Variants in FOXP1 observed in about 807,000 individuals in gnomAD.
The protein encoded by FOXP1 is forkhead box P1, also known as forkhead box protein P1.
FOXP1 carries 15 observed loss-of-function variants against 98.2 expected under a neutral mutation model. That is an observed-to-expected ratio of 0.15 (90% CI 0.10 to 0.24). The LOEUF is 0.24. FOXP1 is among the 10% of genes least tolerant of loss of function. The pLI is 1.00. For missense variants in FOXP1, 633 were observed against 848.5 expected, an observed-to-expected ratio of 0.75 and a Z score of 3.15; for synonymous variants, 371 against 314.5, an observed-to-expected ratio of 1.18 and a Z score of -1.90.
chr3:70,956,489 G>GT lies in FOXP1; in HGVS notation c.*2757dup, dbSNP rs886058836. Reference sequence around the variant, plus strand: ...ACGACTAAGTGCAACTGAGTGAAATGTTTTTTTTTTAAATTTTAATCATTC... The same window carrying GT: ...ACGACTAAGTGCAACTGAGTGAAATGTTTTTTTTTTTAAATTTTAATCATTC... On this transcript the variant is annotated 3_prime_UTR_variant, in exon 21 of 21. Transcript: ENST00000649528. 612 of 207,190 alleles carry GT rather than the reference G, an allele frequency of 3.0e-3. No homozygotes were observed. The highest frequency in any genetic ancestry group is 4.7e-3 in the Middle Eastern group (3 of 638). 12.8% of individuals were successfully genotyped at this position (207,190 alleles called of 1,614,324 possible).
intron 2 of FOXP1, among the ~76,000 whole-genome samples, chr3:71,536,349 C>T (rs985736115): frequency 3.9e-5 from 6 of 152,102 alleles, no homozygotes; most frequent in African/African-American, 1.4e-4. Flanking sequence ...CCTACGCATC[C>T]CCTACCCAAA....
chr3:71,411,886 C>T (rs1388382841), intron 3 of FOXP1, among the ~76,000 whole-genome samples: 1 of 152,214 alleles, frequency 6.6e-6, no homozygotes, highest in Non-Finnish European at 1.5e-5. Flanking sequence ...AAGCGGGCAT[C>T]CCATTACCCA....
At chr3:71,147,151 A>G (rs926127300) in intron 6 of FOXP1, among the ~76,000 whole-genome samples, 3 of 152,236 alleles carry the variant, frequency 2.0e-5, no homozygotes, top group Admixed American at 6.5e-5. Context: ...GTCTGCACCA[A>G]GTAGGCACAA....
intron 5 of FOXP1, among the ~76,000 whole-genome samples, chr3:71,258,012 A>C (rs1421718485): frequency 1.3e-5 from 2 of 152,212 alleles, no homozygotes; most frequent in East Asian, 3.8e-4. Context: ...ACAAAATGGT[A>C]ATTGTTATTA....
chr3:71,548,231 T>A (rs563175025), intron 2 of FOXP1, among the ~76,000 whole-genome samples: 1 of 152,276 alleles, frequency 6.6e-6, no homozygotes, highest in South Asian at 2.1e-4. Context: ...GTTGGCCCTA[T>A]GAATGGAGGT....
chr3:71,449,687 A>G (rs143258647), intron 3 of FOXP1, among the ~76,000 whole-genome samples: 1 of 152,328 alleles, frequency 6.6e-6, no homozygotes, highest in African/African-American at 2.4e-5. Flanking sequence ...ATTTTTGCCC[A>G]TGTAAACCCT....
intron 13 of FOXP1, among the ~76,000 whole-genome samples, chr3:71,000,457 G>A (rs572674797): frequency 5.3e-5 from 8 of 152,126 alleles, no homozygotes; most frequent in African/African-American, 1.9e-4. Context: ...CTTCCATTGC[G>A]ACTTGGGAAA....
intron 5 of FOXP1, among the ~76,000 whole-genome samples, chr3:71,267,119 G>GAC (rs1491315607): frequency 5.0e-5 from 3 of 60,366 alleles, no homozygotes; most frequent in African/African-American, 2.9e-4. Flanking sequence ...CATTTTATGG[G>GAC]AGAGAGTGTG....
intron 5 of FOXP1, among the ~76,000 whole-genome samples, chr3:71,269,123 C>T (rs1236649488): frequency 2.8e-5 from 4 of 144,778 alleles, no homozygotes; most frequent in Admixed American, 2.1e-4. Context: ...CATTTAATGG[C>T]ACATGATGAT....
intron 3 of FOXP1, among the ~76,000 whole-genome samples, chr3:71,451,083 A>G (rs2086906202): frequency 1.3e-5 from 2 of 152,184 alleles, no homozygotes; most frequent in Non-Finnish European, 2.9e-5. Flanking sequence ...GGATAACTGC[A>G]TCCAATCTTC....
At chr3:71,405,616 G>A (rs937265672) in intron 3 of FOXP1, among the ~76,000 whole-genome samples, 3 of 152,154 alleles carry the variant, frequency 2.0e-5, no homozygotes, top group Non-Finnish European at 2.9e-5. Context: ...GTTCCCAGCT[G>A]CACCTCAGAA....
intron 6 of FOXP1, among the ~76,000 whole-genome samples, chr3:71,179,478 G>A (rs1036697929): frequency 6.6e-5 from 10 of 152,100 alleles, no homozygotes; most frequent in Admixed American, 1.3e-4. Context: ...GATGAAGAGG[G>A]GAGGAGTTAG....
chr3:71,083,739 G>A (rs1232798936), intron 7 of FOXP1, among the ~76,000 whole-genome samples: 1 of 152,166 alleles, frequency 6.6e-6, no homozygotes, highest in African/African-American at 2.4e-5. Context: ...TCCTGATGAC[G>A]TTACCTGAGT....
At chr3:71,252,609 A>C (rs1479109814) in intron 5 of FOXP1, among the ~76,000 whole-genome samples, 9 of 152,190 alleles carry the variant, frequency 5.9e-5, no homozygotes, top group Non-Finnish European at 1.2e-4. Flanking sequence ...ACTTCATGCA[A>C]GGCTTTTACT....
intron 12 of FOXP1, among the ~76,000 whole-genome samples, chr3:71,004,764 T>C (rs954587442): frequency 4.6e-5 from 7 of 152,166 alleles, no homozygotes; most frequent in Non-Finnish European, 1.0e-4. Context: ...TGCAATGGAT[T>C]TCAAATTAGA....
intron 12 of FOXP1, among the ~76,000 whole-genome samples, chr3:71,004,780 T>G (rs935122652): frequency 6.6e-6 from 1 of 152,184 alleles, no homozygotes; most frequent in African/African-American, 2.4e-5. Context: ...TTAGAGATGT[T>G]AAGCCGGTCA....
chr3:71,001,208 C>A, intron 12 of FOXP1, 149 bp from the exon 13 acceptor site: 1 of 670,366 alleles, frequency 1.5e-6, no homozygotes. Flanking sequence ...CCATCCCCAC[C>A]CTTTAATGCT....
intron 12 of FOXP1, among the ~76,000 whole-genome samples, chr3:71,010,032 A>G (rs1308907419): frequency 2.0e-5 from 3 of 151,566 alleles, no homozygotes; most frequent in African/African-American, 7.3e-5. Flanking sequence ...TTGGGATTAC[A>G]GGGGTAAACC....
intron 5 of FOXP1, chr3:71,296,493 T>C (rs1424950554): frequency 6.6e-6 from 1 of 152,246 alleles, no homozygotes; most frequent in Non-Finnish European, 1.5e-5. Flanking sequence ...GAAAGATCTT[T>C]CACCTTGTTC....
Sources: allele counts gnomAD v4.1 joint callset (sites outside exome capture counted in the v4.1 genomes callset), GRCh38; gene constraint gnomAD v4.1.1; transcripts MANE v1.5; gene names NCBI Gene and HGNC (gene_info 2026-07-23, HGNC 2026-07-21).